Variants in COG3 observed in about 807,000 individuals in gnomAD.
COG3 encodes the protein component of oligomeric golgi complex 3, also known as conserved oligomeric Golgi complex subunit 3.
Under a neutral mutation model 114.1 loss-of-function variants are expected in COG3, and 32 were observed. The observed-to-expected ratio is 0.28, with a 90% CI of 0.21 to 0.38. The LOEUF is 0.38. Among genes scored for constraint, COG3 ranks in the 10% least tolerant of loss-of-function variants. The probability of loss-of-function intolerance (pLI) is 1.00; values close to 1 mark genes in which losing one functional copy is unlikely to be tolerated. For missense variants in COG3, 813 were observed against 973.2 expected (o/e 0.84, Z 2.19); for synonymous variants, 352 against 365.7 (o/e 0.96, Z 0.43).
chr13:45,516,196 A>G lies in COG3; in HGVS notation c.1863A>G (p.Glu621=). 1 of 1,601,956 alleles carries G rather than the reference A, an allele frequency of 6.2e-7. No homozygotes were observed. Among genetic ancestry groups the G allele is most frequent in the Non-Finnish European group, 8.5e-7 (1 of 1,171,162 alleles). ...TTAAGCACCTTTTGATACTTCGTGA[A>G]CAAATTGCTCCATTTCACACTGAAT... is the stretch of plus-strand genomic sequence containing the variant. The part of the protein sequence containing the change: ...FLIKHLLILR[E]QIAPFHTEFT... The change falls in exon 17 of 23, where the codon GAA becomes GAG. Residue 621 remains glutamate (E), a synonymous_variant. Transcript: ENST00000349995.
chr13:45,508,431 C>CAT (rs1388129131), intron 14 of COG3, among the ~76,000 whole-genome samples: 4 of 138,402 alleles, frequency 2.9e-5, no homozygotes, highest in Non-Finnish European at 6.3e-5. Context: ...CACACATACA[C>CAT]ATATATATAC....
intron 13 of COG3, among the ~76,000 whole-genome samples, chr13:45,499,401 C>T (rs1024458240): frequency 3.3e-5 from 5 of 152,106 alleles, no homozygotes; most frequent in Non-Finnish European, 7.4e-5. Flanking sequence ...TGCTGTCAGA[C>T]GTTTGATTCT....
chr13:45,534,414 A>G (rs1197702158), intron 22 of COG3: 4 of 279,358 alleles, frequency 1.4e-5, no homozygotes, highest in Non-Finnish European at 2.6e-5. Context: ...ATTGTGGGCC[A>G]GTTTCTACTT....
intron 9 of COG3, 148 bp downstream of exon 9, chr13:45,491,106 G>A: frequency 1.6e-6 from 1 of 624,616 alleles, no homozygotes; most frequent in Non-Finnish European, 2.8e-6. Context: ...CAAGGTCACA[G>A]ACTTAGCCAG....
chr13:45,505,168 C>T (rs1869988814), intron 14 of COG3, among the ~76,000 whole-genome samples: 1 of 148,798 alleles, frequency 6.7e-6, no homozygotes, highest in Non-Finnish European at 1.5e-5. Context: ...GCCTGGGCGA[C>T]AGAGTGAGAC....
At chr13:45,507,423 T>A (rs1218036000) in intron 14 of COG3, among the ~76,000 whole-genome samples, 3 of 151,886 alleles carry the variant, frequency 2.0e-5, no homozygotes. Flanking sequence ...GAAAAAAAAA[T>A]TTTACAAGTA....
At chr13:45,509,080 C>G (rs891230586) in intron 14 of COG3, among the ~76,000 whole-genome samples, 3 of 151,086 alleles carry the variant, frequency 2.0e-5, no homozygotes, top group African/African-American at 7.3e-5. Context: ...CACTTTGTTG[C>G]CCAGGCTGGA....
At chr13:45,472,317 G>A (rs989642365) in intron 1 of COG3, among the ~76,000 whole-genome samples, 21 of 152,142 alleles carry the variant, frequency 1.4e-4, no homozygotes, top group African/African-American at 5.1e-4. Flanking sequence ...GTGTATGTGT[G>A]TATTCTGCTT....
rs1873518290 is a variant in COG3 at position 45,535,875 on chromosome 13, A to G, written c.*1144A>G. On this transcript the variant is annotated 3_prime_UTR_variant, in exon 23 of 23. Coordinates refer to ENST00000349995, the MANE Select transcript of COG3 (RefSeq NM_031431.4). The stretch of plus-strand genomic sequence containing the variant: ...CTGATGTTAAGGCAGCCAGCTTCTT[A>G]GTTCAAAAAGAATTCTGAGTTTTTC... 3.0e-6 allele frequency: 3 copies of G among 987,506 alleles called. No individual in the cohort carries two copies. The highest frequency in any genetic ancestry group is 6.1e-5 in the Admixed American group (1 of 16,278). The allele number at this position is 987,506 out of a possible 1,614,324, so 61.2% of individuals were successfully genotyped here. A position where few individuals can be genotyped will look rare whatever the true frequency, so the allele number is the denominator to read the frequency against.
At position 45,477,144 on chromosome 13, in the gene COG3, C is replaced by T. The variant is rs148794715; in HGVS notation, c.321+797C>T. Among the ~76,000 whole-genome samples, 37 of 152,174 alleles carry T rather than the reference C, an allele frequency of 2.4e-4. No individual in the cohort carries two copies. In the East Asian group the frequency reaches 5.8e-3, roughly 24 times the overall value. On this transcript the variant is annotated intron_variant, in intron 2 of 22. Coordinates refer to ENST00000349995, the MANE Select transcript of COG3 (RefSeq NM_031431.4). ...ACAGGATTTTTGTGAGCGTTAAATA[C>T]GATAATGCATGTAAATTCGTTGTGT...
chr13:45,509,414 C>T (rs1038645974), intron 14 of COG3, among the ~76,000 whole-genome samples: 1 of 152,134 alleles, frequency 6.6e-6, no homozygotes, highest in Non-Finnish European at 1.5e-5. Context: ...TTATTGATCA[C>T]AATTTGGGAA....
intron 13 of COG3, among the ~76,000 whole-genome samples, chr13:45,498,020 T>C (rs1171021075): frequency 2.6e-5 from 4 of 152,334 alleles, no homozygotes; most frequent in Admixed American, 1.3e-4. Flanking sequence ...GGCATTTTTA[T>C]TTTTAACACA....
At chr13:45,501,716 C>T (rs1003139912) in intron 13 of COG3, among the ~76,000 whole-genome samples, 1 of 152,154 alleles carries the variant, frequency 6.6e-6, no homozygotes, top group South Asian at 2.1e-4. Context: ...CAGGTGCTGG[C>T]ATAGAAATAT....
At chr13:45,483,206 TA>T in intron 6 of COG3, 23 bp from the exon 7 acceptor site, 1 of 1,560,442 alleles carries the variant, frequency 6.4e-7, no homozygotes, top group Non-Finnish European at 8.8e-7. Flanking sequence ...TTCCACTTTG[TA>T]AATCTTTCTC....
intron 8 of COG3, among the ~76,000 whole-genome samples, chr13:45,488,263 G>T (rs1324478430): frequency 6.6e-6 from 1 of 152,066 alleles, no homozygotes; most frequent in Non-Finnish European, 1.5e-5. Flanking sequence ...TGGTTAATGG[G>T]TATAAATGTA....
rs563015747 is a variant in COG3 at position 45,476,207 on chromosome 13, A to T, written c.181A>T (p.Ile61Phe). 1.4e-5 allele frequency: 22 copies of T among 1,613,744 alleles called. No individual in the cohort carries two copies. The South Asian group carries it at 2.3e-4, about 17-fold the overall frequency. ...ENLPVPAELP[I>F]EDLCSLTSQS... ...GTGACTCTCTTTTTTCAAGCTTCCAATTGAAGACTTGTGCAGTTTAACATC... is the reference window on the plus strand; with the variant it reads ...GTGACTCTCTTTTTTCAAGCTTCCATTTGAAGACTTGTGCAGTTTAACATC... Residue 61 changes from isoleucine (I) to phenylalanine (F), a missense_variant, in exon 2 of 23, where the codon ATT becomes TTT. Ile to Phe is a conservative substitution (Grantham distance 21). Transcript: ENST00000349995.
intron 19 of COG3, among the ~76,000 whole-genome samples, chr13:45,524,307 G>A (rs1454595288): frequency 6.6e-6 from 1 of 151,666 alleles, no homozygotes; most frequent in African/African-American, 2.4e-5. Context: ...CTACCCCATA[G>A]CTCCACCACA....
At chr13:45,493,306 A>T in intron 11 of COG3, 41 bp from the exon 12 acceptor site, 1 of 1,526,336 alleles carries the variant, frequency 6.6e-7, no homozygotes, top group Non-Finnish European at 8.9e-7. Context: ...AAAATCCTGA[A>T]AAAACTACTA....
intron 7 of COG3, among the ~76,000 whole-genome samples, 150 bp from the exon 8 acceptor site, chr13:45,486,332 CGGGAGACGGGAGA>C (rs1348885696): frequency 0.015 from 802 of 54,738 alleles, 64 homozygotes; most frequent in African/African-American, 0.083. Flanking sequence ...AGACGGGAGA[CGGGAGACGGGAGA>C]GGGAGAGGGA....
Sources: gnomAD v4.1 joint callset for allele counts (sites outside exome capture counted in the v4.1 genomes callset) on GRCh38, gnomAD v4.1.1 for gene constraint, MANE v1.5 for transcripts, NCBI Gene and HGNC (gene_info 2026-07-23, HGNC 2026-07-21) for gene names.